C4orf50: variants seen among roughly 807,000 people sequenced by gnomAD.
C4orf50 encodes uncharacterized protein C4orf50.
Under a neutral mutation model 77.2 loss-of-function variants are expected in C4orf50, and 80 were observed. The ratio of observed to expected loss-of-function variants is 1.04; its 90% CI spans 0.87 to 1.25. The LOEUF (loss-of-function observed/expected upper bound fraction) is 1.25. Among genes scored for constraint, C4orf50 ranks in the 50% most tolerant of loss-of-function variants. The pLI, the probability that C4orf50 is intolerant of heterozygous loss-of-function variation, is 0.00. For missense variants in C4orf50, 1,257 were observed against 1,152.9 expected (o/e 1.09, Z -1.31); for synonymous variants, 532 against 465.3 (o/e 1.14, Z -1.84).
chr4:5,915,440 G>A (rs1468413907), intron 7 of C4orf50, among the ~76,000 whole-genome samples: 1 of 152,206 alleles, frequency 6.6e-6, no homozygotes, highest in Non-Finnish European at 1.5e-5. Context: ...CTAGAGCTTG[G>A]AAAGAGGGAC....
intron 25 of C4orf50, among the ~76,000 whole-genome samples, chr4:5,994,750 C>T (rs1312858123): frequency 2.0e-5 from 3 of 152,178 alleles, no homozygotes; most frequent in African/African-American, 7.2e-5. Flanking sequence ...TATGTCTGTC[C>T]AGCCAAGAAG....
chr4:5,967,018 C>T (rs1207470752), intron 32 of C4orf50, among the ~76,000 whole-genome samples: 1 of 152,174 alleles, frequency 6.6e-6, no homozygotes, highest in African/African-American at 2.4e-5. Flanking sequence ...TTCTCAGAAC[C>T]ATTTTAATGA....
chr4:5,959,339 A>G lies in C4orf50; in HGVS notation c.*36T>C. ...AAGGTTCTGCTTCAAATATTTATGGAGTCTATGAAATGGCTCCGGAGAATG... is the reference window on the plus strand; with the variant it reads ...AAGGTTCTGCTTCAAATATTTATGGGGTCTATGAAATGGCTCCGGAGAATG... On this transcript the variant is annotated 3_prime_UTR_variant, in exon 34 of 34. Coordinates refer to ENST00000531445, the Ensembl canonical transcript of C4orf50. The G allele has an allele frequency of 1.9e-6, 3 of 1,594,022 alleles. No homozygotes were observed. In the South Asian group the frequency reaches 3.4e-5, roughly 18 times the overall value.
chr4:5,967,537 G>T, intron 31 of C4orf50, 75 bp from the exon 10 acceptor site: 1 of 1,336,822 alleles, frequency 7.5e-7, no homozygotes. Flanking sequence ...ACTGCAATTG[G>T]ACCAAGCAGG....
chr4:5,930,537 A>G (rs1717719919), intron 7 of C4orf50, among the ~76,000 whole-genome samples: 1 of 152,192 alleles, frequency 6.6e-6, no homozygotes, highest in African/African-American at 2.4e-5. Flanking sequence ...GAAACACTAG[A>G]CAGTTTTAAC....
chr4:5,900,210 A>G lies in C4orf50; in HGVS notation c.*2475-2022T>C, dbSNP rs545608612. On this transcript the variant is annotated intron_variant, in intron 7 of 7. Coordinates refer to the C4orf50 transcript ENST00000324058. The surrounding 1 kb of genome is among the most constrained non-coding windows in gnomAD (Gnocchi z 4.3). The stretch of plus-strand genomic sequence containing the variant: ...GAAAAGCCCCTCTCAAGTTTATAAA[A>G]GTTTACTCAATAAATTGCTGAGTAA... 1 of 152,308 alleles carries G rather than the reference A, an allele frequency of 6.6e-6. No homozygotes were observed. The highest frequency in any genetic ancestry group is 2.1e-4 in the South Asian group (1 of 4,822). 9.4% of individuals were successfully genotyped at this position (152,308 alleles called of 1,614,324 possible).
At chr4:5,989,119 T>A (rs1721092988) in exon 28 of C4orf50, 1 of 1,536,112 alleles carries the variant, frequency 6.5e-7, no homozygotes, top group Non-Finnish European at 8.7e-7. Context: ...GTTATCCCGC[T>A]CGAGCCTGGA....
chr4:5,985,979 A>G (rs1720832237), intron 28 of C4orf50, among the ~76,000 whole-genome samples: 1 of 152,218 alleles, frequency 6.6e-6, no homozygotes, highest in Non-Finnish European at 1.5e-5. Flanking sequence ...AAAAATAAAT[A>G]AATACATAAA....
At chr4:5,975,519 T>C (rs1160289715) in intron 30 of C4orf50, among the ~76,000 whole-genome samples, 1 of 151,566 alleles carries the variant, frequency 6.6e-6, no homozygotes. Context: ...TGTTTTGTTT[T>C]GTTTTGTTTT....
In C4orf50 at chr4:6,008,216, T is replaced by A; in HGVS notation, c.743A>T (p.Glu248Val). The A allele has an allele frequency of 2.5e-6, 1 of 397,210 alleles. No individual in the cohort carries two copies. Among genetic ancestry groups the A allele is most frequent in the East Asian group, 3.6e-5 (1 of 28,008 alleles). The allele number at this position is 397,210 out of a possible 1,614,324, so 24.6% of individuals were successfully genotyped here. A position where few individuals can be genotyped will look rare whatever the true frequency, so the allele number is the denominator to read the frequency against. The change falls in exon 25 of 34, where the codon GAG becomes GTG. Residue 248 changes from glutamate to valine, a missense_variant. By Grantham distance (121) the Glu-to-Val change is moderately radical. Transcript: ENST00000531445. This position sits in a 1 kb window ranked among gnomAD's most constrained non-coding sequence, Gnocchi z 6.0. ...CTCTTCCCGCTCGCGCTCGCTGCGC[T>A]CTGCCCTCGCCTGCAGGGCGCGCAG...
intron 25 of C4orf50, among the ~76,000 whole-genome samples, chr4:6,005,121 G>C (rs1213962738): frequency 6.6e-6 from 1 of 152,160 alleles, no homozygotes; most frequent in African/African-American, 2.4e-5. Context: ...TTGCATTCCT[G>C]CCTGCAACTC....
intron 7 of C4orf50, among the ~76,000 whole-genome samples, chr4:5,931,358 T>C (rs554703582): frequency 2.9e-4 from 43 of 149,296 alleles, no homozygotes; most frequent in Non-Finnish European, 5.7e-4. Context: ...TGGTTTCCCA[T>C]GTAGAAGAAC....
At position 5,919,367 on chromosome 4, in the gene C4orf50, C is replaced by T. The variant is rs138331337; in HGVS notation, c.*2475-21179G>A. ...AGTGTGTATCACCTTCCAGGTGACA[C>T]ATTAGATCTTCTTTCACTCACTCCC... On this transcript the variant is annotated intron_variant, in intron 7 of 7. Coordinates refer to the C4orf50 transcript ENST00000324058. The surrounding 1 kb of genome is among the most constrained non-coding windows in gnomAD (Gnocchi z 6.5). Among the ~76,000 whole-genome samples the T allele has an allele frequency of 5.0e-3, 747 of 149,820 alleles. 5 individuals carry two copies. The highest frequency in any genetic ancestry group is 0.016 in the African/African-American group (669 of 40,702).
chr4:5,911,920 C>T (rs914882401), intron 7 of C4orf50, among the ~76,000 whole-genome samples: 2 of 152,158 alleles, frequency 1.3e-5, no homozygotes, highest in African/African-American at 4.8e-5. Flanking sequence ...GTGGTGCATG[C>T]CTGTAGTTCC....
rs1362475227 is a variant in C4orf50 at position 5,996,289 on chromosome 4, T to C, written c.964-1813A>G. ...TGCCTGCTGCAGGCAAAGCCTTCTC[T>C]GCTTGTTGCTCCAGGCCCCTCCCTT... On this transcript the variant is annotated intron_variant, in intron 25 of 33. Coordinates refer to ENST00000531445, the Ensembl canonical transcript of C4orf50. Among the ~76,000 whole-genome samples, 6 of 152,276 alleles carry C rather than the reference T, an allele frequency of 3.9e-5. No homozygotes were observed. The South Asian group carries it at 6.2e-4, about 16-fold the overall frequency.
intron 25 of C4orf50, among the ~76,000 whole-genome samples, chr4:5,998,080 T>C (rs1409169170): frequency 1.3e-5 from 2 of 152,232 alleles, no homozygotes; most frequent in East Asian, 1.9e-4. Context: ...GACTCAGGCA[T>C]AAACCTTTTT....
chr4:5,991,074 G>A (rs1426151173), intron 27 of C4orf50, among the ~76,000 whole-genome samples: 1 of 152,150 alleles, frequency 6.6e-6, no homozygotes, highest in Non-Finnish European at 1.5e-5. Context: ...CAATGCAAAT[G>A]TGACTTCCTT....
At chr4:5,974,799 T>G (rs1560575306) in intron 30 of C4orf50, among the ~76,000 whole-genome samples, 2 of 152,194 alleles carry the variant, frequency 1.3e-5, no homozygotes, top group Non-Finnish European at 2.9e-5. Flanking sequence ...TGGGAATTGA[T>G]CTTAAACATA....
At chr4:5,968,584 C>A (rs942455265) in intron 31 of C4orf50, among the ~76,000 whole-genome samples, 1 of 152,194 alleles carries the variant, frequency 6.6e-6, no homozygotes, top group Admixed American at 6.5e-5. Flanking sequence ...ACTCAGGTCC[C>A]GCAGCCTTGA....
Sources: gnomAD v4.1 joint callset for allele counts (sites outside exome capture counted in the v4.1 genomes callset) on GRCh38, gnomAD v4.1.1 for gene constraint, Gnocchi (gnomAD v3.1) non-coding constraint, MANE v1.5 for transcripts, NCBI Gene and HGNC (gene_info 2026-07-23, HGNC 2026-07-21) for gene names.